The following WDFY4 variants were observed in gnomAD, a reference collection of about 807,000 sequenced individuals.
The protein encoded by WDFY4 is WD repeat- and FYVE domain-containing protein 4.
Under a neutral mutation model 351.9 loss-of-function variants are expected in WDFY4, and 169 were observed. That is an observed-to-expected ratio of 0.48 (90% CI 0.42 to 0.55). WDFY4 has a LOEUF of 0.55. Among genes scored for constraint, WDFY4 ranks in the 20% least tolerant of loss-of-function variants. WDFY4 has a pLI of 0.00. For synonymous variants in WDFY4, 1,622 were observed against 1,574.6 expected (o/e 1.03, Z -0.71); for missense variants, 3,803 against 3,935.6 (o/e 0.97, Z 0.90).
intron 47 of WDFY4, among the ~76,000 whole-genome samples, chr10:48,940,578 G>C (rs1047248342): frequency 6.6e-6 from 1 of 152,216 alleles, no homozygotes; most frequent in African/African-American, 2.4e-5. Context: ...TGCAGGTGGA[G>C]CAGAGAGTAT....
intron 12 of WDFY4, among the ~76,000 whole-genome samples, chr10:48,757,342 T>C (rs1169342354): frequency 1.3e-5 from 2 of 152,242 alleles, no homozygotes; most frequent in Non-Finnish European, 1.5e-5. Context: ...TGAATTGTTA[T>C]GTCTCTTTTA....
chr10:48,940,009 A>T (rs1271464470), intron 47 of WDFY4, among the ~76,000 whole-genome samples: 2 of 152,242 alleles, frequency 1.3e-5, no homozygotes, highest in Non-Finnish European at 2.9e-5. Flanking sequence ...CACTTCTTTC[A>T]TTCCTCTGTC....
In WDFY4 at chr10:48,778,606, C is replaced by T. The variant is rs748454825; in HGVS notation, c.3176-5C>T. The T allele has an allele frequency of 2.6e-6, 4 of 1,550,302 alleles. No individual in the cohort carries two copies. In the Admixed American group the frequency reaches 5.9e-5, roughly 23 times the overall value. ...GCCTGAGGGCATGCCTGTGTTCCCA[C>T]CCAGGTGCCACCAGACCGTTCCCTC... On this transcript the variant is annotated splice_region_variant and splice_polypyrimidine_tract_variant and intron_variant, in intron 17 of 61. Coordinates refer to ENST00000325239, the MANE Select transcript of WDFY4 (RefSeq NM_001394531.1).
chr10:48,976,688 G>GA (rs1454120104), intron 58 of WDFY4, 109 bp from the exon 59 acceptor site: 29 of 1,073,974 alleles, frequency 2.7e-5, no homozygotes, highest in Non-Finnish European at 3.4e-5. Flanking sequence ...GGGGTCTTCA[G>GA]AGCATGACAG....
Position 48,900,301 on chromosome 10 carries a change from T to C in WDFY4, c.7518T>C (p.Phe2506=). Residue 2506 remains phenylalanine (F), a synonymous_variant, in exon 46 of 62, where the codon TTT becomes TTC. Coordinates refer to ENST00000325239, the MANE Select transcript of WDFY4 (RefSeq NM_001394531.1). ...ACAACAATGATCGGAGTAAGGCCTT[T>C]AAAAGGTAAGAGCTTGAAAATCCTC... The part of the protein sequence containing the change: ...VFYNNDRSKA[F]KSFCSFQPSL... The C allele has an allele frequency of 6.4e-7, 1 of 1,551,018 alleles. No homozygotes were observed. Among genetic ancestry groups the C allele is most frequent in the Non-Finnish European group, 8.7e-7 (1 of 1,146,658 alleles).
intron 36 of WDFY4, 61 bp from the exon 37 acceptor site, chr10:48,828,717 A>G (rs2133047033): frequency 1.0e-6 from 1 of 985,076 alleles, no homozygotes; most frequent in Non-Finnish European, 1.5e-6. Flanking sequence ...AAAGAACAAT[A>G]GAATGGTCTC....
chr10:48,715,695 G>C (rs761973694), intron 2 of WDFY4, among the ~76,000 whole-genome samples: 1 of 151,998 alleles, frequency 6.6e-6, no homozygotes, highest in East Asian at 1.9e-4. Context: ...GCCCGATCTC[G>C]GCTCACTGCA....
intron 39 of WDFY4, among the ~76,000 whole-genome samples, chr10:48,839,129 C>T (rs2068510372): frequency 6.6e-6 from 1 of 152,190 alleles, no homozygotes; most frequent in South Asian, 2.1e-4. Context: ...GGATAAAAAG[C>T]TCACGAGCCC....
At chr10:48,741,864 T>C (rs1459062880) in intron 11 of WDFY4, among the ~76,000 whole-genome samples, 1 of 152,160 alleles carries the variant, frequency 6.6e-6, no homozygotes, top group African/African-American at 2.4e-5. Context: ...ACCCACAAGG[T>C]TGTCCACTCT....
At chr10:48,701,055 C>G (rs574298452) in intron 1 of WDFY4, among the ~76,000 whole-genome samples, 4 of 152,178 alleles carry the variant, frequency 2.6e-5, no homozygotes, top group Admixed American at 1.3e-4. Context: ...AAAACTGAAA[C>G]TCTGTGCCCA....
chr10:48,865,756 T>C (rs1397176595), intron 39 of WDFY4, among the ~76,000 whole-genome samples: 1 of 152,214 alleles, frequency 6.6e-6, no homozygotes, highest in African/African-American at 2.4e-5. Context: ...CAATTTATTT[T>C]CTTGTTATTG....
chr10:48,742,822 A>G, intron 11 of WDFY4, 146 bp from the exon 12 acceptor site: 6 of 727,420 alleles, frequency 8.2e-6, no homozygotes, highest in Non-Finnish European at 1.3e-5. Context: ...TGGAGATCCC[A>G]ATGTTTCAGA....
Position 48,982,709 on chromosome 10 carries a change from G to A in WDFY4, c.*134G>A. ...CCACAGTTCTCAAGGAAGGGCCTCT[G>A]GCAATCACAGCTCTGCAGCCCAACC... On this transcript the variant is annotated 3_prime_UTR_variant, in exon 62 of 62. Transcript: ENST00000325239. 1 of 852,996 alleles carries A rather than the reference G, an allele frequency of 1.2e-6. No homozygotes were observed. Among genetic ancestry groups the A allele is most frequent in the Non-Finnish European group, 1.9e-6 (1 of 528,868 alleles). The allele number at this position is 852,996 out of a possible 1,614,324, so 52.8% of individuals were successfully genotyped here.
intron 47 of WDFY4, among the ~76,000 whole-genome samples, chr10:48,906,780 C>A (rs185209415): frequency 5.3e-5 from 8 of 152,286 alleles, no homozygotes; most frequent in Non-Finnish European, 8.8e-5. Context: ...GTACAACCAT[C>A]CTTTAACAAT....
chr10:48,696,129 G>T (rs1283822286), intron 1 of WDFY4, among the ~76,000 whole-genome samples: 3 of 152,146 alleles, frequency 2.0e-5, no homozygotes, highest in African/African-American at 7.2e-5. Context: ...CAGGTGTAGG[G>T]CCCTGGGCCC....
intron 12 of WDFY4, among the ~76,000 whole-genome samples, chr10:48,751,483 A>G (rs1481976576): frequency 6.6e-6 from 1 of 152,158 alleles, no homozygotes; most frequent in Admixed American, 6.5e-5. Flanking sequence ...AGTAGCTTGA[A>G]CAGGAGAACA....
rs2132645671 is a variant in WDFY4, at chr10:48,778,781, G to T, written c.3346G>T (p.Asp1116Tyr). The change falls in exon 18 of 62, where the codon GAC becomes TAC. Residue 1116 changes from aspartate to tyrosine, a missense_variant. Physicochemically the swap from Asp to Tyr is radical, Grantham distance 160. This residue lies in a region of WDFY4 where 3,054 missense variants were observed against 3,148.6 expected (regional missense o/e 0.97). Transcript: ENST00000325239. Reference sequence around the variant, plus strand: ...TTGCTTCTCCGTCAGCCTCTGCCCAGACGACCTCTCCTTGGTTGTTTCTAC... The same window carrying T: ...TTGCTTCTCCGTCAGCCTCTGCCCATACGACCTCTCCTTGGTTGTTTCTAC... ...FVCFSVSLCPDDLSLVVSTEE... is the reference protein window; with the variant it reads ...FVCFSVSLCPYDLSLVVSTEE... 1 of 1,551,604 alleles carries T rather than the reference G, an allele frequency of 6.4e-7. No individual in the cohort carries two copies. Among genetic ancestry groups the T allele is most frequent in the East Asian group, 2.4e-5 (1 of 40,912 alleles).
chr10:48,900,868 A>G (rs561923088), intron 46 of WDFY4, among the ~76,000 whole-genome samples: 2 of 152,332 alleles, frequency 1.3e-5, no homozygotes, highest in African/African-American at 2.4e-5. Context: ...CATTAAAGTT[A>G]TAGATCAGTA....
intron 43 of WDFY4, among the ~76,000 whole-genome samples, chr10:48,879,289 G>C (rs950718583): frequency 1.3e-5 from 2 of 152,218 alleles, no homozygotes; most frequent in African/African-American, 4.8e-5. Flanking sequence ...GCGAGAGGAT[G>C]CTCCTGGTGT....
Sources: allele counts gnomAD v4.1 joint callset (sites outside exome capture counted in the v4.1 genomes callset), GRCh38; gene constraint gnomAD v4.1.1; regional missense constraint gnomAD v4.1.1; transcripts MANE v1.5; gene names NCBI Gene and HGNC (gene_info 2026-07-23, HGNC 2026-07-21).